The following CNOT6 variants were observed in gnomAD, a reference collection of about 807,000 sequenced individuals.
CNOT6 encodes carbon catabolite repression 4 protein.
CNOT6 carries 12 observed loss-of-function variants against 61.2 expected under a neutral mutation model. That is an observed-to-expected ratio of 0.20 (90% confidence interval 0.13 to 0.32). The LOEUF (loss-of-function observed/expected upper bound fraction) is 0.32. Among genes scored for constraint, CNOT6 ranks in the 10% least tolerant of loss-of-function variants. The probability of loss-of-function intolerance (pLI) is 1.00; values close to 1 mark genes in which losing one functional copy is unlikely to be tolerated. For missense variants in CNOT6, 405 were observed against 663.9 expected (o/e 0.61, Z 4.28); for synonymous variants, 225 against 240.6 (o/e 0.94, Z 0.60).
chr5:180,547,816 C>T lies in CNOT6; in HGVS notation c.113-2115C>T, dbSNP rs779943464. Among the ~76,000 whole-genome samples, 55 of 152,178 alleles carry T rather than the reference C, an allele frequency of 3.6e-4. 1 individual carries two copies. The highest frequency in any genetic ancestry group is 3.2e-3 in the Middle Eastern group (1 of 316). The stretch of plus-strand genomic sequence containing the variant: ...TGGCACCAGCTCAGCCCACTGCAAC[C>T]GCCACCTCCCGGGTTCAAGCGGTTC... On this transcript the variant is annotated intron_variant, in intron 2 of 11. Transcript: ENST00000261951.
chr5:180,502,392 G>C (rs964813713), intron 1 of CNOT6, among the ~76,000 whole-genome samples: 1 of 152,040 alleles, frequency 6.6e-6, no homozygotes, highest in Admixed American at 6.6e-5. Context: ...CCTCATTAGC[G>C]GTAGAGATTA....
At chr5:180,565,752 A>G (rs767109107) in intron 6 of CNOT6, 68 bp from the exon 7 acceptor site, 87 of 1,391,366 alleles carry the variant, frequency 6.3e-5, no homozygotes, top group Non-Finnish European at 8.2e-5. Context: ...AGTGAAAACC[A>G]TTACTGAAAT....
Position 180,575,610 on chromosome 5 carries a change from G to A in CNOT6, c.*1410G>A, listed in dbSNP as rs1192696802. 2 of 152,522 alleles carry A rather than the reference G, an allele frequency of 1.3e-5. No homozygotes were observed. Among genetic ancestry groups the A allele is most frequent in the Non-Finnish European group, 2.9e-5 (2 of 68,030 alleles). The allele number at this position is 152,522 out of a possible 1,614,324, so 9.4% of individuals were successfully genotyped here. ...TGACTAAGTCATTTTAGTATGTCAAGCAAGATAAAAATTACATCATACCGT... is the reference window on the plus strand; with the variant it reads ...TGACTAAGTCATTTTAGTATGTCAAACAAGATAAAAATTACATCATACCGT... On this transcript the variant is annotated 3_prime_UTR_variant, in exon 12 of 12. Transcript: ENST00000261951.
intron 2 of CNOT6, among the ~76,000 whole-genome samples, chr5:180,532,226 GA>G (rs1758426219): frequency 6.6e-6 from 1 of 152,112 alleles, no homozygotes. Context: ...ATTGGCATTT[GA>G]CTATATTTAC....
rs554960364 is a variant in CNOT6, at chr5:180,572,548, A to G, written c.1461+1116A>G. On this transcript the variant is annotated intron_variant, in intron 11 of 11. Transcript: ENST00000261951. ...TAGGGCTGTCACTTTCTTGTGTTCAACTGTCCTTTTTCTAAAAAGAGATAT... is the reference window on the plus strand; with the variant it reads ...TAGGGCTGTCACTTTCTTGTGTTCAGCTGTCCTTTTTCTAAAAAGAGATAT... Among the ~76,000 whole-genome samples the G allele has an allele frequency of 6.6e-5, 10 of 151,926 alleles. No individual in the cohort carries two copies. In the South Asian group the frequency reaches 1.7e-3, roughly 25 times the overall value.
chr5:180,569,673 G>A (rs953720533), intron 10 of CNOT6, among the ~76,000 whole-genome samples: 4 of 152,116 alleles, frequency 2.6e-5, no homozygotes, highest in Non-Finnish European at 4.4e-5. Context: ...GGATTCCAGC[G>A]TGTGGTAATA....
intron 2 of CNOT6, among the ~76,000 whole-genome samples, chr5:180,541,643 G>A (rs531953223): frequency 3.8e-4 from 58 of 151,158 alleles, no homozygotes; most frequent in Non-Finnish European, 6.0e-4. Context: ...TAGTGAAGAC[G>A]GGGTTTCACC....
At chr5:180,536,652 C>G (rs1459272273) in intron 2 of CNOT6, among the ~76,000 whole-genome samples, 1 of 152,018 alleles carries the variant, frequency 6.6e-6, no homozygotes, top group Non-Finnish European at 1.5e-5. Flanking sequence ...ACTTTGTCAC[C>G]CAGGCTGTAG....
intron 1 of CNOT6, among the ~76,000 whole-genome samples, chr5:180,513,864 C>T (rs1005840727): frequency 6.6e-6 from 1 of 151,754 alleles, no homozygotes; most frequent in African/African-American, 2.4e-5. Context: ...CCACCACGCC[C>T]GGCTAATTTT....
intron 2 of CNOT6, among the ~76,000 whole-genome samples, chr5:180,543,475 A>G (rs911799802): frequency 5.9e-5 from 9 of 152,238 alleles, no homozygotes; most frequent in African/African-American, 2.2e-4. Flanking sequence ...ATTCTAAAAG[A>G]GAATATGGCT....
chr5:180,514,194 C>T (rs918048784), intron 1 of CNOT6, among the ~76,000 whole-genome samples: 3 of 151,280 alleles, frequency 2.0e-5, no homozygotes, highest in Admixed American at 6.6e-5. Context: ...GAGGCCGAGG[C>T]GGGTGGATCA....
intron 11 of CNOT6, among the ~76,000 whole-genome samples, chr5:180,572,675 C>T (rs980540133): frequency 2.0e-5 from 3 of 151,952 alleles, no homozygotes; most frequent in East Asian, 1.9e-4. Flanking sequence ...TCAGCCTCCC[C>T]GCTAACTTGG....
intron 1 of CNOT6, among the ~76,000 whole-genome samples, chr5:180,525,638 G>A (rs1245402187): frequency 6.6e-6 from 1 of 152,126 alleles, no homozygotes; most frequent in Non-Finnish European, 1.5e-5. Context: ...TTTAAAGCCT[G>A]ACTCTGCTGT....
At chr5:180,545,578 A>G (rs1759275446) in intron 2 of CNOT6, among the ~76,000 whole-genome samples, 1 of 152,172 alleles carries the variant, frequency 6.6e-6, no homozygotes, top group Non-Finnish European at 1.5e-5. Flanking sequence ...ACTGAGTAGT[A>G]GTCCATTGTA....
Position 180,571,236 on chromosome 5 carries a change from T to G in CNOT6, c.1265T>G (p.Val422Gly). Residue 422 changes from valine (V) to glycine (G), a missense_variant, in exon 11 of 12, where the codon GTA becomes GGA. Physicochemically the swap from Val to Gly is moderately radical, Grantham distance 109. Around this residue, in one of 5 missense-constraint regions of CNOT6, gnomAD observed 116 missense variants for 184.6 expected, o/e 0.63. Transcript: ENST00000261951. ...DLNSLPDSGV[V>G]EYLSTGGVET... ...AAATTTGTCTTCATTGTAGGTGTTGTAGAATATTTGAGCACAGGTGGAGTA... is the reference window on the plus strand; with the variant it reads ...AAATTTGTCTTCATTGTAGGTGTTGGAGAATATTTGAGCACAGGTGGAGTA... The G allele has an allele frequency of 6.2e-7, 1 of 1,612,510 alleles. No homozygotes were observed. The highest frequency in any genetic ancestry group is 8.5e-7 in the Non-Finnish European group (1 of 1,178,650).
intron 4 of CNOT6, among the ~76,000 whole-genome samples, chr5:180,560,524 C>A (rs930492575): frequency 6.6e-6 from 1 of 152,102 alleles, no homozygotes; most frequent in Non-Finnish European, 1.5e-5. Context: ...TCTTTCGACA[C>A]CTGAAAAATA....
At chr5:180,511,227 C>T (rs944433234) in intron 1 of CNOT6, among the ~76,000 whole-genome samples, 2 of 152,040 alleles carry the variant, frequency 1.3e-5, no homozygotes, top group African/African-American at 4.8e-5. Flanking sequence ...CCTGTAATCC[C>T]ACCACTTTGG....
chr5:180,565,808 T>C lies in CNOT6; in HGVS notation c.560-12T>C. 6 of 1,553,700 alleles carry C rather than the reference T, an allele frequency of 3.9e-6. No homozygotes were observed. The highest frequency in any genetic ancestry group is 5.2e-6 in the Non-Finnish European group (6 of 1,146,586). ...CCACATGTGTGAATAAGTAAAGTTA[T>C]CTTTCCTACAGCCTTGTTTTCTGTC... On this transcript the variant is annotated splice_polypyrimidine_tract_variant and intron_variant, in intron 6 of 11. Coordinates refer to ENST00000261951, the MANE Select transcript of CNOT6 (RefSeq NM_001370472.1).
At chr5:180,540,329 A>G (rs2127733605) in intron 2 of CNOT6, among the ~76,000 whole-genome samples, 1 of 152,218 alleles carries the variant, frequency 6.6e-6, no homozygotes, top group Admixed American at 6.5e-5. Flanking sequence ...TTTACATTTA[A>G]TGCAGTTATT....
Sources: allele counts gnomAD v4.1 joint callset (sites outside exome capture counted in the v4.1 genomes callset), GRCh38; gene constraint gnomAD v4.1.1; regional missense constraint gnomAD v4.1.1; transcripts MANE v1.5; gene names NCBI Gene and HGNC (gene_info 2026-07-23, HGNC 2026-07-21).